The following RBM26 variants were observed in gnomAD, a reference collection of about 807,000 sequenced individuals.
RBM26 encodes the protein RNA-binding protein 26.
In RBM26, 30 loss-of-function variants were observed where a neutral mutation model predicts 123.6. The ratio of observed to expected loss-of-function variants is 0.24; its 90% CI spans 0.18 to 0.33. The LOEUF is 0.33. RBM26 is among the 10% of genes least tolerant of loss of function. The probability of loss-of-function intolerance (pLI) is 1.00; values close to 1 mark genes in which losing one functional copy is unlikely to be tolerated. For missense variants in RBM26, 947 were observed against 1,203.6 expected, an observed-to-expected ratio of 0.79 and a Z score of 3.15; for synonymous variants, 400 against 404.4, an observed-to-expected ratio of 0.99 and a Z score of 0.13.
chr13:79,334,946 T>C (rs149866388), intron 19 of RBM26, among the ~76,000 whole-genome samples: 14 of 152,248 alleles, frequency 9.2e-5, no homozygotes, highest in African/African-American at 2.4e-4. Flanking sequence ...TAACTGACCA[T>C]GGTTTTGCTT....
chr13:79,380,068 G>A (rs961224777), intron 1 of RBM26, among the ~76,000 whole-genome samples: 8 of 152,162 alleles, frequency 5.3e-5, no homozygotes, highest in Admixed American at 5.2e-4. Context: ...TACTCTGGTA[G>A]TATCAAGGTC....
chr13:79,325,523 G>A (rs1465413662), intron 20 of RBM26, among the ~76,000 whole-genome samples: 1 of 152,052 alleles, frequency 6.6e-6, no homozygotes, highest in Non-Finnish European at 1.5e-5. Flanking sequence ...ATAAAAAAAT[G>A]TTAAAAATAG....
At chr13:79,378,695 C>A in intron 2 of RBM26, 94 bp downstream of exon 2, 2 of 678,104 alleles carry the variant, frequency 2.9e-6, no homozygotes, top group Non-Finnish European at 2.4e-6. Flanking sequence ...CCACCTCAGC[C>A]TCCCAAAGTG....
intron 18 of RBM26, among the ~76,000 whole-genome samples, chr13:79,340,279 A>G (rs561958651): frequency 6.6e-6 from 1 of 152,042 alleles, no homozygotes; most frequent in Non-Finnish European, 1.5e-5. Context: ...TATGACTTTC[A>G]GAGAAGACAG....
At chr13:79,313,646 C>A (rs895384692) in exon 5 of RBM26, 2 of 151,130 alleles carry the variant, frequency 1.3e-5, no homozygotes, top group African/African-American at 4.9e-5. Context: ...ACAACAACAA[C>A]AAAAAAAGGC....
At chr13:79,371,983 AAATAGCCTTAG>A (rs2075935581) in intron 3 of RBM26, 53 bp from the exon 4 acceptor site, 2 of 1,261,352 alleles carry the variant, frequency 1.6e-6, no homozygotes, top group South Asian at 2.5e-5. Flanking sequence ...TTCCACTGTT[AAATAGCCTTAG>A]ATAGGGCTGG....
At chr13:79,379,056 G>T in intron 1 of RBM26, 149 bp from the exon 2 acceptor site, 2 of 595,892 alleles carry the variant, frequency 3.4e-6, no homozygotes, top group Non-Finnish European at 6.0e-6. Flanking sequence ...AGAAATTTAA[G>T]TTCTCTTTAT....
intron 14 of RBM26, among the ~76,000 whole-genome samples, chr13:79,347,062 T>G (rs1264359434): frequency 6.6e-6 from 1 of 152,224 alleles, no homozygotes; most frequent in Admixed American, 6.5e-5. Flanking sequence ...CCAGTTTCAG[T>G]GAGAATACTC....
chr13:79,368,866 G>A lies in RBM26; in HGVS notation c.759C>T (p.Ser253=). 6.2e-7 allele frequency: 1 copy of A among 1,613,784 alleles called. No homozygotes were observed. The highest frequency in any genetic ancestry group is 8.5e-7 in the Non-Finnish European group (1 of 1,179,788). The change falls in exon 6 of 22, where the codon AGC becomes AGT. Residue 253 remains serine (S), a synonymous_variant. Transcript: ENST00000438737. ...SGHYPVPTLS[S]TITVIAPTHH... Reference sequence around the variant, plus strand: ...GAGTAGGAGCAATTACTGTAATAGTGCTGCTCAAAGTAGGTACAGGGTAGT... The same window carrying A: ...GAGTAGGAGCAATTACTGTAATAGTACTGCTCAAAGTAGGTACAGGGTAGT...
At chr13:79,398,115 T>A (rs926342637) in intron 1 of RBM26, among the ~76,000 whole-genome samples, 2 of 152,250 alleles carry the variant, frequency 1.3e-5, no homozygotes. Context: ...AATAAAGTAG[T>A]AGGAGAGTAA....
chr13:79,364,992 A>G (rs1213706102), intron 9 of RBM26, among the ~76,000 whole-genome samples: 2 of 152,180 alleles, frequency 1.3e-5, no homozygotes, highest in Non-Finnish European at 2.9e-5. Flanking sequence ...TACTAAAAAA[A>G]AAAAGGCTAC....
chr13:79,403,861 C>CT (rs1427037910), intron 1 of RBM26, among the ~76,000 whole-genome samples: 1 of 152,208 alleles, frequency 6.6e-6, no homozygotes, highest in Admixed American at 6.5e-5. Flanking sequence ...TTTGCTAAAT[C>CT]TAAGGGCTAC....
At chr13:79,349,275 A>G (rs979567765) in intron 14 of RBM26, among the ~76,000 whole-genome samples, 35 of 152,194 alleles carry the variant, frequency 2.3e-4, no homozygotes, top group African/African-American at 7.2e-4. Context: ...TGTACTATAG[A>G]TATCTTTAAT....
In RBM26 at chr13:79,403,450, C is replaced by G. The variant is rs117521352; in HGVS notation, c.71+2254G>C. Among the ~76,000 whole-genome samples the G allele has an allele frequency of 8.8e-3, 1,347 of 152,234 alleles. 7 individuals are homozygous for G. Among genetic ancestry groups the G allele is most frequent in the Middle Eastern group, 0.024 (7 of 294 alleles). On this transcript the variant is annotated intron_variant, in intron 1 of 21. Coordinates refer to ENST00000438737, the MANE Select transcript of RBM26 (RefSeq NM_001366735.2). ...ATACACTCTAAGTAGCTACAGTCTT[C>G]TCATTTAGGTAAGATGGAGGGATAC...
intron 9 of RBM26, among the ~76,000 whole-genome samples, chr13:79,359,923 C>A (rs1186967212): frequency 6.6e-6 from 1 of 151,802 alleles, no homozygotes; most frequent in African/African-American, 2.4e-5. Flanking sequence ...TGGAAAACTA[C>A]AGAAATAGTA....
chr13:79,369,459 T>C (rs2075659908), intron 5 of RBM26, among the ~76,000 whole-genome samples: 1 of 152,118 alleles, frequency 6.6e-6, no homozygotes, highest in Non-Finnish European at 1.5e-5. Context: ...AACTAGACTA[T>C]ACATATGGTC....
rs756040089 is a variant in RBM26, at chr13:79,354,499, T to C, written c.1926A>G (p.Pro642=). The change falls in exon 13 of 22, where the codon CCA becomes CCG. Residue 642 remains proline, a synonymous_variant. Transcript: ENST00000438737. ...VKQSVKERLG[P]VPSSTIEPAE... Reference sequence around the variant, plus strand: ...CAGGTTCAATAGTACTTGAAGGTACTGGACCCAGCCGCTCTTTGACTGACT... The same window carrying C: ...CAGGTTCAATAGTACTTGAAGGTACCGGACCCAGCCGCTCTTTGACTGACT... 1.9e-6 allele frequency: 3 copies of C among 1,610,206 alleles called. No homozygotes were observed. The East Asian group carries it at 6.7e-5, about 36-fold the overall frequency.
chr13:79,327,008 T>C (rs1306025859), intron 20 of RBM26, among the ~76,000 whole-genome samples: 1 of 152,120 alleles, frequency 6.6e-6, no homozygotes, highest in Non-Finnish European at 1.5e-5. Context: ...TAAAAATCCA[T>C]TTCTAGCCTG....
At position 79,319,836 on chromosome 13, in the gene RBM26, C is replaced by A; in HGVS notation, c.*785G>T. ...AAGAATAAGTTAGTGATTATAGCTCCTTTTGTGATAATTGGGGGGAAGGGT... is the reference window on the plus strand; with the variant it reads ...AAGAATAAGTTAGTGATTATAGCTCATTTTGTGATAATTGGGGGGAAGGGT... On this transcript the variant is annotated 3_prime_UTR_variant, in exon 22 of 22. Coordinates refer to ENST00000438737, the MANE Select transcript of RBM26 (RefSeq NM_001366735.2). 1 of 979,918 alleles carries A rather than the reference C, an allele frequency of 1.0e-6. No homozygotes were observed. The highest frequency in any genetic ancestry group is 1.2e-6 in the Non-Finnish European group (1 of 826,308). The allele number at this position is 979,918 out of a possible 1,614,324, so 60.7% of individuals were successfully genotyped here. A position where few individuals can be genotyped will look rare whatever the true frequency, so the allele number is the denominator to read the frequency against.
Sources: allele counts gnomAD v4.1 joint callset (sites outside exome capture counted in the v4.1 genomes callset), GRCh38; gene constraint gnomAD v4.1.1; transcripts MANE v1.5; gene names NCBI Gene and HGNC (gene_info 2026-07-23, HGNC 2026-07-21).